CDH12: variants seen among roughly 807,000 people sequenced by gnomAD.
CDH12 encodes cadherin-12.
A neutral mutation model predicts 74.1 loss-of-function variants in CDH12; 41 were observed. The ratio of observed to expected loss-of-function variants is 0.55; its 90% confidence interval spans 0.43 to 0.72. The LOEUF is 0.72. Ranked by LOEUF, CDH12 falls within the 30% of genes least tolerant of loss-of-function variation. CDH12 has a pLI of 0.00. For synonymous variants in CDH12, 399 were observed against 355.0 expected, an observed-to-expected ratio of 1.12 and a Z score of -1.39; for missense variants, 945 against 977.2, an observed-to-expected ratio of 0.97 and a Z score of 0.44.
intron 2 of CDH12, among the ~76,000 whole-genome samples, chr5:22,477,441 T>G (rs1302438339): frequency 2.0e-5 from 3 of 152,206 alleles, no homozygotes; most frequent in African/African-American, 7.2e-5. Context: ...GGCTGCGTAG[T>G]ATTTCATGGT....
chr5:22,367,894 C>T (rs1233761922), intron 3 of CDH12, among the ~76,000 whole-genome samples: 1 of 152,066 alleles, frequency 6.6e-6, no homozygotes, highest in African/African-American at 2.4e-5. Context: ...AATAAATATT[C>T]CTATAAATGT....
intron 5 of CDH12, among the ~76,000 whole-genome samples, chr5:22,039,144 T>C (rs997025986): frequency 2.6e-5 from 4 of 152,200 alleles, no homozygotes. Flanking sequence ...CAGGGTCTAC[T>C]ACATGGGAGC....
At chr5:22,760,834 G>GT (rs1561012046) in intron 1 of CDH12, among the ~76,000 whole-genome samples, 1 of 151,908 alleles carries the variant, frequency 6.6e-6, no homozygotes, top group Non-Finnish European at 1.5e-5. Context: ...AATTGAATGT[G>GT]TACCAGATAT....
At chr5:22,222,663 A>C in intron 3 of CDH12, among the ~76,000 whole-genome samples, 1 of 151,964 alleles carries the variant, frequency 6.6e-6, no homozygotes. Context: ...TTCATAATTT[A>C]TATCTTCATT....
At chr5:22,736,943 T>C (rs1318220925) in intron 1 of CDH12, among the ~76,000 whole-genome samples, 1 of 151,956 alleles carries the variant, frequency 6.6e-6, no homozygotes, top group African/African-American at 2.4e-5. Flanking sequence ...TATTTGAAAT[T>C]TAATTCAGAG....
At chr5:22,107,809 T>C (rs532014645) in intron 4 of CDH12, among the ~76,000 whole-genome samples, 1 of 152,208 alleles carries the variant, frequency 6.6e-6, no homozygotes, top group Non-Finnish European at 1.5e-5. Context: ...CACACGAAGA[T>C]TTTTATCATT....
intron 4 of CDH12, among the ~76,000 whole-genome samples, chr5:22,147,986 C>G (rs1168033418): frequency 6.6e-6 from 1 of 152,188 alleles, no homozygotes; most frequent in Admixed American, 6.5e-5. Context: ...TCCTTCCTTA[C>G]TAACTCACAC....
intron 2 of CDH12, among the ~76,000 whole-genome samples, chr5:22,492,256 C>T (rs1255243304): frequency 1.3e-5 from 2 of 152,038 alleles, no homozygotes; most frequent in African/African-American, 2.4e-5. Flanking sequence ...GCAGAGATAA[C>T]CAGTAAGAAA....
At chr5:22,738,840 T>C (rs2127014542) in intron 1 of CDH12, among the ~76,000 whole-genome samples, 1 of 152,094 alleles carries the variant, frequency 6.6e-6, no homozygotes, top group Admixed American at 6.6e-5. Flanking sequence ...TGCCAGAGCT[T>C]TGTGTGTTTG....
At chr5:22,504,828 A>T (rs1736316379) in intron 2 of CDH12, among the ~76,000 whole-genome samples, 1 of 152,100 alleles carries the variant, frequency 6.6e-6, no homozygotes. Flanking sequence ...GAGTTTCAAC[A>T]GAGGTTTCCC....
At chr5:21,882,951 G>T (rs1193356413) in intron 6 of CDH12, 1 of 1,600,112 alleles carries the variant, frequency 6.2e-7, no homozygotes, top group Non-Finnish European at 8.6e-7. Flanking sequence ...TGTACTGGCA[G>T]GCTCTATAGC....
intron 1 of CDH12, among the ~76,000 whole-genome samples, chr5:22,818,912 C>T (rs1486965851): frequency 6.6e-6 from 1 of 152,060 alleles, no homozygotes; most frequent in Non-Finnish European, 1.5e-5. Context: ...GTTTTGTGTG[C>T]ATACTCTGTC....
chr5:22,428,256 A>T (rs907385145), intron 2 of CDH12, among the ~76,000 whole-genome samples: 1 of 152,210 alleles, frequency 6.6e-6, no homozygotes, highest in East Asian at 1.9e-4. Context: ...ATTTGTGAGC[A>T]TATGTATATA....
At chr5:22,217,991 C>G (rs1051222155) in intron 3 of CDH12, among the ~76,000 whole-genome samples, 14 of 151,368 alleles carry the variant, frequency 9.2e-5, no homozygotes, top group Non-Finnish European at 1.9e-4. Flanking sequence ...CTTATTAATT[C>G]ATAACTATTT....
chr5:22,269,059 A>G (rs1053408855), intron 3 of CDH12, among the ~76,000 whole-genome samples: 1 of 152,126 alleles, frequency 6.6e-6, no homozygotes, highest in Non-Finnish European at 1.5e-5. Flanking sequence ...TTGTACAAGC[A>G]TCCTCATCTG....
At chr5:22,138,242 C>G (rs1299787156) in intron 4 of CDH12, among the ~76,000 whole-genome samples, 3 of 151,840 alleles carry the variant, frequency 2.0e-5, no homozygotes. Flanking sequence ...CAGCTTGGCT[C>G]AGCAATTTTG....
chr5:22,550,819 C>T (rs1738530754), intron 1 of CDH12, among the ~76,000 whole-genome samples: 1 of 152,162 alleles, frequency 6.6e-6, no homozygotes, highest in South Asian at 2.1e-4. Context: ...GCATAGGAAG[C>T]CCTGAACATG....
At chr5:22,520,813 A>C (rs1737021295) in intron 1 of CDH12, among the ~76,000 whole-genome samples, 1 of 152,168 alleles carries the variant, frequency 6.6e-6, no homozygotes, top group African/African-American at 2.4e-5. Context: ...ACATACTGAA[A>C]TATCTGACAA....
At chr5:22,418,423 T>C (rs1354388494) in intron 2 of CDH12, among the ~76,000 whole-genome samples, 1 of 152,180 alleles carries the variant, frequency 6.6e-6, no homozygotes, top group Non-Finnish European at 1.5e-5. Context: ...CTCTTCCTAT[T>C]TGAATACCTT....
Sources: allele counts gnomAD v4.1 joint callset (sites outside exome capture counted in the v4.1 genomes callset), GRCh38; gene constraint gnomAD v4.1.1; transcripts MANE v1.5; gene names NCBI Gene and HGNC (gene_info 2026-07-23, HGNC 2026-07-21).